MYH15: variants seen among roughly 807,000 people sequenced by gnomAD.
MYH15 encodes the protein myosin heavy chain 15, also known as myosin-15.
MYH15 carries 227 observed loss-of-function variants against 240.5 expected under a neutral mutation model. The ratio of observed to expected loss-of-function variants is 0.94; its 90% confidence interval spans 0.85 to 1.05. The LOEUF is 1.05. MYH15 is among the 50% of genes least tolerant of loss of function. The pLI is 0.00. For missense variants in MYH15, 2,217 were observed against 2,247.5 expected (o/e 0.99, Z 0.27); for synonymous variants, 785 against 796.7 (o/e 0.99, Z 0.25).
chr3:108,457,495 G>C (rs1167701638), intron 18 of MYH15, among the ~76,000 whole-genome samples: 1 of 152,130 alleles, frequency 6.6e-6, no homozygotes, highest in Non-Finnish European at 1.5e-5. Context: ...TACTGCAGCT[G>C]TCAGCTGCAA....
At chr3:108,387,840 G>C (rs2082395555) in intron 38 of MYH15, among the ~76,000 whole-genome samples, 1 of 152,206 alleles carries the variant, frequency 6.6e-6, no homozygotes, top group Admixed American at 6.5e-5. Context: ...TAAAAGAGCT[G>C]TGCAAGTAGC....
At chr3:108,486,590 G>C (rs1176225060) in intron 9 of MYH15, 64 bp from the exon 10 acceptor site, 7 of 1,134,820 alleles carry the variant, frequency 6.2e-6, no homozygotes, top group African/African-American at 1.5e-5. Flanking sequence ...GAAAATAATT[G>C]GTCAATATTC....
intron 40 of MYH15, among the ~76,000 whole-genome samples, chr3:108,383,185 CCAAATTGATATGGTACAAAGT>C (rs1373412101): frequency 2.0e-5 from 3 of 152,168 alleles, no homozygotes; most frequent in Non-Finnish European, 4.4e-5. Flanking sequence ...CTCTTGGACT[CCAAATTGATATGGTACAAAGT>C]CACGTATGTG....
chr3:108,454,086 T>C lies in MYH15; in HGVS notation c.2319A>G (p.Leu773=), dbSNP rs991079722. ...GQLEAIRDER[L]SKVFTLFQAR... ...CTTGGAACAATGTGAAGACTTTAGA[T>C]AGTCTCTCATCTCTTATTGCTTCCA... The change falls in exon 21 of 41, where the codon CTA becomes CTG. Residue 773 remains leucine, a synonymous_variant. Coordinates refer to ENST00000693548, the MANE Select transcript of MYH15 (RefSeq NM_014981.3). 2 of 1,612,822 alleles carry C rather than the reference T, an allele frequency of 1.2e-6. No homozygotes were observed. The highest frequency in any genetic ancestry group is 2.7e-5 in the African/African-American group (2 of 74,888).
chr3:108,525,945 T>A (rs1291318729), intron 1 of MYH15, among the ~76,000 whole-genome samples: 3 of 152,114 alleles, frequency 2.0e-5, no homozygotes, highest in Admixed American at 2.0e-4. Flanking sequence ...GGGCATATAG[T>A]AGGCAAACAA....
At chr3:108,385,953 T>C (rs1429199004) in intron 38 of MYH15, among the ~76,000 whole-genome samples, 1 of 152,248 alleles carries the variant, frequency 6.6e-6, no homozygotes, top group Non-Finnish European at 1.5e-5. Flanking sequence ...AAGTAGATAT[T>C]AATAATTACT....
chr3:108,396,294 A>G (rs1385181393), intron 35 of MYH15, among the ~76,000 whole-genome samples: 1 of 152,154 alleles, frequency 6.6e-6, no homozygotes, highest in Non-Finnish European at 1.5e-5. Flanking sequence ...GCGGTCCCCA[A>G]CCCATTTGGT....
At chr3:108,532,919 A>T (rs2083721289), upstream of MYH15, among the ~76,000 whole-genome samples, 1 of 152,164 alleles carries the variant, frequency 6.6e-6, no homozygotes, top group Admixed American at 6.5e-5. Context: ...GTTCCACTTT[A>T]CCAATGTTTC....
chr3:108,420,874 A>G (rs2082676947), intron 28 of MYH15, among the ~76,000 whole-genome samples: 1 of 152,158 alleles, frequency 6.6e-6, no homozygotes. Context: ...TACTTCTTGG[A>G]AGGGAACTAG....
At chr3:108,546,358 A>C in the MYH15 span, among the ~76,000 whole-genome samples, 1 of 152,206 alleles carries the variant, frequency 6.6e-6, no homozygotes, top group African/African-American at 2.4e-5. Context: ...GCTCTTTGAG[A>C]TAAGTGAGAT....
At position 108,414,267 on chromosome 3, in the gene MYH15, A is replaced by G. The variant is rs907092249; in HGVS notation, c.4110T>C (p.Asn1370=). The part of the protein sequence containing the change: ...MVQWRMKYEN[N]VIQRTEDLED... ...CCAAGTCTTCTGTTCTCTGGATGAC[A>G]TTGTTTTCATACTTCATTCTCCATT... Residue 1370 remains asparagine (N), a synonymous_variant, in exon 30 of 41, where the codon AAT becomes AAC. Coordinates refer to ENST00000693548, the MANE Select transcript of MYH15 (RefSeq NM_014981.3). 2.5e-6 allele frequency: 4 copies of G among 1,613,974 alleles called. No individual in the cohort carries two copies. In the African/African-American group the frequency reaches 4.0e-5, roughly 16 times the overall value.
chr3:108,427,635 C>CAG (rs1553766067), intron 27 of MYH15, among the ~76,000 whole-genome samples: 2,540 of 146,704 alleles, frequency 0.017, 72 homozygotes, highest in African/African-American at 0.06. Context: ...CACACACACA[C>CAG]AGAGAGAGAG....
intron 30 of MYH15, among the ~76,000 whole-genome samples, chr3:108,411,617 C>A (rs2082593720): frequency 6.6e-6 from 1 of 152,152 alleles, no homozygotes. Context: ...TCCACCACCC[C>A]CGTAATATGC....
At chr3:108,466,661 G>T (rs755424556) in intron 14 of MYH15, among the ~76,000 whole-genome samples, 4 of 152,114 alleles carry the variant, frequency 2.6e-5, no homozygotes, top group Non-Finnish European at 5.9e-5. Context: ...ATTCAAACAA[G>T]CCTGTTGCAT....
chr3:108,539,468 A>C, the MYH15 span, among the ~76,000 whole-genome samples: 1 of 152,180 alleles, frequency 6.6e-6, no homozygotes, highest in Non-Finnish European at 1.5e-5. Flanking sequence ...TAAATAAATA[A>C]AGCAAGCAAC....
Position 108,389,079 on chromosome 3 carries a change from A to G in MYH15, c.5431-5T>C. ...TTCACCTTCCAGTTCACGAACCTGC[A>G]ACCAAAACGTGACCTCAGACCAGAC... is the stretch of plus-strand genomic sequence containing the variant. On this transcript the variant is annotated splice_region_variant and splice_polypyrimidine_tract_variant and intron_variant, in intron 37 of 40. Transcript: ENST00000693548. 1 of 1,613,552 alleles carries G rather than the reference A, an allele frequency of 6.2e-7. No homozygotes were observed. Among genetic ancestry groups the G allele is most frequent in the South Asian group, 1.1e-5 (1 of 91,022 alleles).
At chr3:108,469,318 C>T (rs944505027) in intron 14 of MYH15, among the ~76,000 whole-genome samples, 1 of 152,156 alleles carries the variant, frequency 6.6e-6, no homozygotes, top group Non-Finnish European at 1.5e-5. Flanking sequence ...TCACTGCAAT[C>T]CACGATTATG....
chr3:108,395,148 G>A (rs1435782412), intron 35 of MYH15, among the ~76,000 whole-genome samples: 2 of 152,118 alleles, frequency 1.3e-5, no homozygotes, highest in Non-Finnish European at 2.9e-5. Flanking sequence ...ATACAGCTGT[G>A]GTCCCAGTTA....
intron 33 of MYH15, among the ~76,000 whole-genome samples, chr3:108,404,498 A>C (rs2082531697): frequency 6.6e-6 from 1 of 152,190 alleles, no homozygotes; most frequent in South Asian, 2.1e-4. Context: ...ACAGCGTGTG[A>C]AGTGCTTTGC....
Sources: allele counts gnomAD v4.1 joint callset (sites outside exome capture counted in the v4.1 genomes callset), GRCh38; gene constraint gnomAD v4.1.1; transcripts MANE v1.5; gene names NCBI Gene and HGNC (gene_info 2026-07-23, HGNC 2026-07-21).